Variants in KDM3A observed in about 807,000 individuals in gnomAD.
The protein encoded by KDM3A is lysine-specific demethylase 3A.
KDM3A carries 60 observed loss-of-function variants against 158.0 expected under a neutral mutation model. The observed-to-expected ratio is 0.38, with a 90% CI of 0.31 to 0.47. The LOEUF is 0.47. Among genes scored for constraint, KDM3A ranks in the 20% least tolerant of loss-of-function variants. The pLI is 0.99. For missense variants in KDM3A, 1,319 were observed against 1,574.3 expected (o/e 0.84, Z 2.74); for synonymous variants, 608 against 549.3 (o/e 1.11, Z -1.49).
At chr2:86,438,270 T>C (rs1014862574), upstream of KDM3A, among the ~76,000 whole-genome samples, 1 of 152,120 alleles carries the variant, frequency 6.6e-6, no homozygotes, top group Admixed American at 6.5e-5. Flanking sequence ...GCAGATTCCA[T>C]TAATGAGAGT....
chr2:86,487,819 T>A (rs1292853934), intron 21 of KDM3A: 1 of 142,758 alleles, frequency 7.0e-6, no homozygotes, highest in Non-Finnish European at 1.6e-5. Context: ...AGAGTCTGGT[T>A]TTATCAATGT....
intron 11 of KDM3A, among the ~76,000 whole-genome samples, chr2:86,473,679 G>A (rs577450367): frequency 2.0e-5 from 3 of 152,296 alleles, no homozygotes; most frequent in South Asian, 4.1e-4. Context: ...AAGTCTGGGA[G>A]TGGGGGTTGC....
At chr2:86,489,159 A>C in intron 21 of KDM3A, 159 bp from the exon 22 acceptor site, 1 of 757,330 alleles carries the variant, frequency 1.3e-6, no homozygotes, top group Non-Finnish European at 2.1e-6. Flanking sequence ...TTGCTAGCAC[A>C]TCGATTGGTT....
chr2:86,466,772 A>T lies in KDM3A; in HGVS notation c.1408A>T (p.Lys470Ter), dbSNP rs769371668. Residue 470 changes from lysine (K) to a stop codon, truncating the protein, a stop_gained, in exon 10 of 26, where the codon AAA (lysine) becomes TAA (stop). Transcript: ENST00000312912. LOFTEE classifies it high-confidence loss of function. ...TGATAGCCCTAATAACTGTTCAGGA[A>T]AAAAGGTAGAACCTTCAGCTTTAGC... ...NSDSPNNCSGKKVEPSALACR... is the reference protein window; with the variant it reads ...NSDSPNNCSG 1 of 1,613,810 alleles carries T rather than the reference A, an allele frequency of 6.2e-7. No homozygotes were observed.
chr2:86,469,563 T>G, intron 10 of KDM3A, among the ~76,000 whole-genome samples: 1 of 152,176 alleles, frequency 6.6e-6, no homozygotes, highest in East Asian at 1.9e-4. Flanking sequence ...AAACATAAAA[T>G]CTGCATTTAC....
chr2:86,457,849 G>A (rs1672771096), intron 8 of KDM3A, among the ~76,000 whole-genome samples: 1 of 152,194 alleles, frequency 6.6e-6, no homozygotes, highest in African/African-American at 2.4e-5. Context: ...ATAGGCTTTT[G>A]TGAATGCTAC....
chr2:86,490,811 T>C (rs1674417607), intron 23 of KDM3A, 70 bp from the exon 24 acceptor site: 4 of 1,214,062 alleles, frequency 3.3e-6, no homozygotes, highest in East Asian at 4.9e-5. Flanking sequence ...CAACACTGTT[T>C]AGAGGAAAAA....
In KDM3A at chr2:86,478,715, T is replaced by G; in HGVS notation, c.2296T>G (p.Ser766Ala). 6.2e-7 allele frequency: 1 copy of G among 1,613,984 alleles called. No individual in the cohort carries two copies. Among genetic ancestry groups the G allele is most frequent in the South Asian group, 1.1e-5 (1 of 91,064 alleles). The change falls in exon 15 of 26, where the codon TCA becomes GCA. Residue 766 changes from serine to alanine, a missense_variant. Around this residue, in one of 4 missense-constraint regions of KDM3A, gnomAD observed 368 missense variants for 415.8 expected, o/e 0.89. Coordinates refer to ENST00000312912, the MANE Select transcript of KDM3A (RefSeq NM_018433.6). Reference sequence around the variant, plus strand: ...ATTCAAACTCTTTTCAAAGCCAGCCTCAAAGGAAGACCTAAAACAGGTATT... The same window carrying G: ...ATTCAAACTCTTTTCAAAGCCAGCCGCAAAGGAAGACCTAAAACAGGTATT... ...RQFKLFSKPA[S>A]KEDLKQTSLA... is the part of the protein sequence containing the mutation.
rs902815778 is a variant in KDM3A at position 86,488,450 on chromosome 2, T to C, written c.3314-868T>C. On this transcript the variant is annotated intron_variant, in intron 21 of 25. Transcript: ENST00000312912. ...GCTTTACCTACTCCCAGGACTGATA[T>C]TTCAGCAAGCTGGAAAGAAAGGAAA... 1.3e-5 allele frequency: 2 copies of C among 152,190 alleles called. 1 individual carries two copies. 9.4% of individuals were successfully genotyped at this position (152,190 alleles called of 1,614,324 possible). A position where few individuals can be genotyped will look rare whatever the true frequency, so the allele number is the denominator to read the frequency against.
Position 86,478,037 on chromosome 2 carries a change from C to T in KDM3A, c.2092+8C>T. 6.2e-7 allele frequency: 1 copy of T among 1,613,956 alleles called. No individual in the cohort carries two copies. Among genetic ancestry groups the T allele is most frequent in the Non-Finnish European group, 8.5e-7 (1 of 1,179,960 alleles). ...GAAAGAATTGCCAACAGGGTGAGAACCGATTTGATTCTCCTCCAGCCCCTC... is the reference window on the plus strand; with the variant it reads ...GAAAGAATTGCCAACAGGGTGAGAATCGATTTGATTCTCCTCCAGCCCCTC... On this transcript the variant is annotated splice_region_variant and intron_variant, in intron 13 of 25. Coordinates refer to ENST00000312912, the MANE Select transcript of KDM3A (RefSeq NM_018433.6).
At chr2:86,451,065 C>T in intron 3 of KDM3A, 38 bp from the exon 4 acceptor site, 1 of 1,342,494 alleles carries the variant, frequency 7.4e-7, no homozygotes, top group Non-Finnish European at 1.0e-6. Flanking sequence ...ATTATGCTGA[C>T]AGCAGTTATG....
intron 2 of KDM3A, among the ~76,000 whole-genome samples, chr2:86,447,530 A>T (rs1281286886): frequency 6.6e-6 from 1 of 151,578 alleles, no homozygotes; most frequent in African/African-American, 2.4e-5. Context: ...CTAACTTAAT[A>T]AGTGATACCT....
In KDM3A at chr2:86,477,974, T is replaced by C. The variant is rs1189380560; in HGVS notation, c.2037T>C (p.Cys679=). Residue 679 remains cysteine (C), a synonymous_variant, in exon 13 of 26, where the codon TGT becomes TGC. Transcript: ENST00000312912. ...IFNLHWVCPR[C]GFGVCVDCYR... ...ACCTGCACTGGGTGTGTCCTCGGTG[T>C]GGGTTTGGAGTATGTGTGGACTGCT... 6.2e-7 allele frequency: 1 copy of C among 1,614,108 alleles called. No homozygotes were observed. Among genetic ancestry groups the C allele is most frequent in the African/African-American group, 1.3e-5 (1 of 75,012 alleles).
intron 10 of KDM3A, 59 bp downstream of exon 10, chr2:86,466,942 T>TA: frequency 1.5e-6 from 2 of 1,309,128 alleles, no homozygotes; most frequent in Non-Finnish European, 2.1e-6. Flanking sequence ...TATATATATC[T>TA]CTTTCTTGTC....
At chr2:86,439,359 C>G (rs1682557937), upstream of KDM3A, among the ~76,000 whole-genome samples, 2 of 151,966 alleles carry the variant, frequency 1.3e-5, no homozygotes, top group African/African-American at 4.8e-5. Context: ...ATTTAATTTG[C>G]TGGTATTTTA....
Position 86,451,974 on chromosome 2 carries a change from G to A in KDM3A, c.453+761G>A, listed in dbSNP as rs143116306. Among the ~76,000 whole-genome samples the A allele has an allele frequency of 5.9e-5, 9 of 152,288 alleles. No individual in the cohort carries two copies. In the East Asian group the frequency reaches 1.5e-3, roughly 26 times the overall value. ...CTCATTATTTGTAGATTCTATGTTT[G>A]TGAATTTACCTATTTGCTAAAATAT... On this transcript the variant is annotated intron_variant, in intron 4 of 25. Coordinates refer to ENST00000312912, the MANE Select transcript of KDM3A (RefSeq NM_018433.6).
chr2:86,486,148 A>G (rs1674169875), intron 21 of KDM3A, among the ~76,000 whole-genome samples: 1 of 152,146 alleles, frequency 6.6e-6, no homozygotes, highest in African/African-American at 2.4e-5. Context: ...ATGACTTTTA[A>G]TGGTGTGTGA....
upstream of KDM3A, among the ~76,000 whole-genome samples, chr2:86,438,402 G>C (rs533275443): frequency 3.3e-5 from 5 of 152,106 alleles, no homozygotes; most frequent in East Asian, 9.6e-4. Context: ...TTAGACAGGA[G>C]GAATAAGTTC....
Position 86,478,848 on chromosome 2 carries a change from CA to C in KDM3A, c.2316+115del, listed in dbSNP as rs113242868. 107 of 982,502 alleles carry C rather than the reference CA, an allele frequency of 1.1e-4. No homozygotes were observed. The Middle Eastern group carries it at 2.0e-3, about 18-fold the overall frequency. The allele number at this position is 982,502 out of a possible 1,614,324, so 60.9% of individuals were successfully genotyped here. A position where few individuals can be genotyped will look rare whatever the true frequency, so the allele number is the denominator to read the frequency against. ...TTGAAAGGAACCTGGGGATAGCTAT[CA>C]AGTGGAAAGAGAGAGAGAAAGAATT... On this transcript the variant is annotated intron_variant, in intron 15 of 25. Transcript: ENST00000312912.
Sources: allele counts gnomAD v4.1 joint callset (sites outside exome capture counted in the v4.1 genomes callset), GRCh38; gene constraint gnomAD v4.1.1; regional missense constraint gnomAD v4.1.1; transcripts MANE v1.5; gene names NCBI Gene and HGNC (gene_info 2026-07-23, HGNC 2026-07-21).